Variants in PUM3 observed in about 807,000 individuals in gnomAD.
The protein encoded by PUM3 is pumilio homolog 3.
PUM3 carries 91 observed loss-of-function variants against 84.0 expected under a neutral mutation model. The observed-to-expected ratio is 1.08, with a 90% CI of 0.91 to 1.29. The LOEUF is 1.29. Ranked by LOEUF, PUM3 falls within the 50% of genes most tolerant of loss-of-function variation. PUM3 has a pLI of 0.00. For missense variants in PUM3, 1,067 were observed against 767.5 expected (o/e 1.39, Z -4.61); for synonymous variants, 321 against 266.7 (o/e 1.20, Z -1.98).
chr9:2,842,298 C>T (rs909521160), intron 1 of PUM3, among the ~76,000 whole-genome samples: 1 of 152,072 alleles, frequency 6.6e-6, no homozygotes, highest in South Asian at 2.1e-4. Context: ...ATCCACTTTC[C>T]GCTGCCTGAT....
At chr9:2,812,993 G>A (rs1035637059) in intron 13 of PUM3, among the ~76,000 whole-genome samples, 1 of 152,138 alleles carries the variant, frequency 6.6e-6, no homozygotes, top group Non-Finnish European at 1.5e-5. Context: ...CTGTTAAATC[G>A]AACAAGTGGA....
chr9:2,837,200 T>G lies in PUM3; in HGVS notation c.284A>C (p.Gln95Pro). The change falls in exon 3 of 18, where the codon CAG becomes CCG. Residue 95 changes from glutamine (Q) to proline (P), a missense_variant. Physicochemically the swap from Gln to Pro is moderately conservative, Grantham distance 76 (BLOSUM62 -1). Coordinates refer to ENST00000397885, the MANE Select transcript of PUM3 (RefSeq NM_014878.5). ...CTTACCATCGCTTCTACCATCTGGC[T>G]GGAATTTTCTCTTCTTGTTGAATTT... ...ANKFNKKRKF[Q>P]PDGRSDESAA... is the part of the protein sequence containing the mutation. The G allele has an allele frequency of 6.2e-7, 1 of 1,614,118 alleles. No individual in the cohort carries two copies. Among genetic ancestry groups the G allele is most frequent in the Non-Finnish European group, 8.5e-7 (1 of 1,179,958 alleles).
At chr9:2,837,474 T>A (rs895460163) in intron 2 of PUM3, 73 bp from the exon 3 acceptor site, 2 of 977,138 alleles carry the variant, frequency 2.0e-6, no homozygotes, top group South Asian at 3.2e-5. Context: ...TTATATCCAT[T>A]ACAGAAAATT....
intron 13 of PUM3, among the ~76,000 whole-genome samples, chr9:2,819,069 T>C (rs991799339): frequency 2.6e-5 from 4 of 152,246 alleles, no homozygotes; most frequent in Non-Finnish European, 5.9e-5. Flanking sequence ...GCTTGTGTAA[T>C]TTTCAGATGA....
chr9:2,812,446 A>G (rs1287559927), intron 13 of PUM3, 84 bp from the exon 14 acceptor site: 4 of 928,512 alleles, frequency 4.3e-6, no homozygotes, highest in Non-Finnish European at 6.5e-6. Flanking sequence ...CATATTTGCC[A>G]TTTACTATGC....
chr9:2,830,914 T>G (rs768656905), intron 7 of PUM3, 48 bp downstream of exon 7: 4 of 956,478 alleles, frequency 4.2e-6, no homozygotes, highest in African/African-American at 1.6e-5. Flanking sequence ...GGAAACCATG[T>G]CTTCAAAAGA....
At chr9:2,811,284 T>G in intron 15 of PUM3, 77 bp downstream of exon 15, 1 of 1,204,104 alleles carries the variant, frequency 8.3e-7, no homozygotes, top group South Asian at 1.3e-5. Flanking sequence ...GCTTTCTTAC[T>G]GACACCCCAC....
At chr9:2,837,543 A>G (rs1018974533) in intron 2 of PUM3, 142 bp from the exon 3 acceptor site, 1 of 605,496 alleles carries the variant, frequency 1.7e-6, no homozygotes, top group Non-Finnish European at 2.9e-6. Context: ...TAGCCTTTTG[A>G]GTAGAACTGG....
chr9:2,820,277 T>C (rs563623680), intron 12 of PUM3, among the ~76,000 whole-genome samples, 179 bp from the exon 13 acceptor site: 9 of 151,976 alleles, frequency 5.9e-5, no homozygotes, highest in Non-Finnish European at 1.3e-4. Context: ...GCCATTTTAA[T>C]GAACTTCCTC....
intron 10 of PUM3, among the ~76,000 whole-genome samples, chr9:2,826,751 T>G (rs1815832442): frequency 6.6e-6 from 1 of 152,190 alleles, no homozygotes. Flanking sequence ...CAGTTGAATT[T>G]AAAACTATCC....
At chr9:2,831,563 G>T (rs1815982179) in intron 5 of PUM3, among the ~76,000 whole-genome samples, 1 of 152,054 alleles carries the variant, frequency 6.6e-6, no homozygotes, top group Non-Finnish European at 1.5e-5. Flanking sequence ...ATGACATTGA[G>T]GCAAGGATAA....
chr9:2,824,044 ATAGGGTTAGGGTTAGGGT>A (rs374783967), intron 11 of PUM3, among the ~76,000 whole-genome samples: 1 of 151,424 alleles, frequency 6.6e-6, no homozygotes, highest in Admixed American at 6.6e-5. Flanking sequence ...TGTGTATGTG[ATAGGGTTAGGGTTAGGGT>A]TAGGGTTAGG....
chr9:2,829,830 C>T lies in PUM3; in HGVS notation c.796G>A (p.Glu266Lys). The T allele has an allele frequency of 4.3e-6, 7 of 1,614,138 alleles. No homozygotes were observed. Among genetic ancestry groups the T allele is most frequent in the Non-Finnish European group, 5.9e-6 (7 of 1,179,976 alleles). ...TCTTCCGTCAGCATGTTCCTCTGCT[C>T]CAAAATGGCTTTGTCATTGTATGCG... ...EYAYNDKAIL[E>K]QRNMLTEELY... Residue 266 changes from glutamate to lysine, a missense_variant, in exon 8 of 18, where the codon GAG becomes AAG. By Grantham distance (56) the Glu-to-Lys change is moderately conservative (BLOSUM62 1). Coordinates refer to ENST00000397885, the MANE Select transcript of PUM3 (RefSeq NM_014878.5).
intron 10 of PUM3, among the ~76,000 whole-genome samples, chr9:2,826,278 G>C (rs1455930280): frequency 2.0e-5 from 3 of 152,052 alleles, no homozygotes; most frequent in African/African-American, 7.3e-5. Context: ...TCATTTCTGA[G>C]CATATAGTCC....
At chr9:2,820,775 G>A (rs1408005287) in intron 12 of PUM3, among the ~76,000 whole-genome samples, 2 of 152,062 alleles carry the variant, frequency 1.3e-5, no homozygotes, top group Non-Finnish European at 2.9e-5. Context: ...AAGTATAGCT[G>A]CATGAGATCA....
chr9:2,832,695 C>A (rs537293911), intron 5 of PUM3, among the ~76,000 whole-genome samples: 2 of 152,244 alleles, frequency 1.3e-5, no homozygotes, highest in Non-Finnish European at 2.9e-5. Flanking sequence ...TATAAGAAAG[C>A]GGCAGCTGAT....
intron 16 of PUM3, among the ~76,000 whole-genome samples, chr9:2,809,748 G>A (rs1340347104): frequency 6.6e-6 from 1 of 152,194 alleles, no homozygotes; most frequent in Non-Finnish European, 1.5e-5. Flanking sequence ...GGAATGGCAT[G>A]CAAATGCTAA....
intron 1 of PUM3, among the ~76,000 whole-genome samples, chr9:2,839,443 G>A (rs950412540): frequency 6.6e-6 from 1 of 152,176 alleles, no homozygotes; most frequent in Non-Finnish European, 1.5e-5. Context: ...ATATATTTGG[G>A]AAACAGTAAG....
intron 5 of PUM3, among the ~76,000 whole-genome samples, chr9:2,832,215 G>A (rs971366636): frequency 2.6e-5 from 4 of 152,138 alleles, no homozygotes; most frequent in Non-Finnish European, 5.9e-5. Context: ...TGCATATATT[G>A]AGCACCTATT....
Sources: allele counts gnomAD v4.1 joint callset (sites outside exome capture counted in the v4.1 genomes callset), GRCh38; gene constraint gnomAD v4.1.1; transcripts MANE v1.5; gene names NCBI Gene and HGNC (gene_info 2026-07-23, HGNC 2026-07-21).